Variants in PCDHGB2 observed in about 807,000 individuals in gnomAD.
PCDHGB2 encodes the protein protocadherin gamma subfamily B, 2, also known as protocadherin gamma-B2.
Under a neutral mutation model 59.3 loss-of-function variants are expected in PCDHGB2, and 55 were observed. The ratio of observed to expected loss-of-function variants is 0.93; its 90% CI spans 0.75 to 1.16. PCDHGB2 has a LOEUF of 1.16. Among genes scored for constraint, PCDHGB2 ranks in the 50% most tolerant of loss-of-function variants. PCDHGB2 has a pLI of 0.00. For missense variants in PCDHGB2, 1,228 were observed against 1,198.5 expected, an observed-to-expected ratio of 1.02 and a Z score of -0.36; for synonymous variants, 516 against 512.0, an observed-to-expected ratio of 1.01 and a Z score of -0.11.
At chr5:141,414,360 A>G (rs1177384414) in intron 1 of PCDHGB2, 1 of 1,613,800 alleles carries the variant, frequency 6.2e-7, no homozygotes, top group Non-Finnish European at 8.5e-7. Context: ...CGTATCTACC[A>G]TTTAAATTAG....
intron 1 of PCDHGB2, among the ~76,000 whole-genome samples, chr5:141,462,479 GGTT>G (rs1329069527): frequency 6.6e-6 from 1 of 151,838 alleles, no homozygotes; most frequent in Non-Finnish European, 1.5e-5. Flanking sequence ...TGCTTCTCGT[GGTT>G]GTTGTATCCT....
chr5:141,438,165 G>GA (rs1252266607), intron 1 of PCDHGB2, among the ~76,000 whole-genome samples: 2 of 152,076 alleles, frequency 1.3e-5, no homozygotes, highest in East Asian at 3.8e-4. Flanking sequence ...AAGCTAATTG[G>GA]AAAAAATATT....
chr5:141,365,777 G>C, intron 1 of PCDHGB2: 1 of 1,613,854 alleles, frequency 6.2e-7, no homozygotes, highest in Non-Finnish European at 8.5e-7. Flanking sequence ...CGACAGCGGC[G>C]ACAACGCTCG....
At chr5:141,384,074 T>G in intron 1 of PCDHGB2, 1 of 1,601,488 alleles carries the variant, frequency 6.2e-7, no homozygotes, top group Non-Finnish European at 8.5e-7. Flanking sequence ...AACCTACCTT[T>G]TAAATTAGAA....
At chr5:141,384,030 A>G (rs1246971074) in intron 1 of PCDHGB2, 2 of 1,613,466 alleles carry the variant, frequency 1.2e-6, no homozygotes, top group Non-Finnish European at 1.7e-6. Flanking sequence ...GAGATTCTGG[A>G]AAGAATGGTG....
chr5:141,423,672 T>A, intron 1 of PCDHGB2: 2 of 1,549,982 alleles, frequency 1.3e-6, no homozygotes, highest in Non-Finnish European at 1.7e-6. Context: ...TGAGATTTAT[T>A]TCTCTGCCTC....
At chr5:141,430,595 G>T (rs549786394) in intron 1 of PCDHGB2, 3 of 567,018 alleles carry the variant, frequency 5.3e-6, no homozygotes, top group African/African-American at 1.9e-5. Context: ...CCTTGCACGC[G>T]CCTGAAGCAC....
At chr5:141,457,318 C>T (rs990268003) in intron 1 of PCDHGB2, among the ~76,000 whole-genome samples, 3 of 152,238 alleles carry the variant, frequency 2.0e-5, no homozygotes, top group South Asian at 2.1e-4. Context: ...AAGAAACCTC[C>T]GGGTTACAGG....
intron 3 of PCDHGB2, among the ~76,000 whole-genome samples, chr5:141,506,444 C>CA (rs1219684339): frequency 0.017 from 1,570 of 94,842 alleles, 20 homozygotes; most frequent in African/African-American, 0.048. Flanking sequence ...CGCTCTGTCT[C>CA]AAAAAAAAAA....
In PCDHGB2 at chr5:141,360,307, G is replaced by A. The variant is rs13171859; in HGVS notation, c.172G>A (p.Val58Ile). ...CCTCGCCAAGGATCTGGGGCTCAGCGTCCGGGACTTGCCAGCCCGGAAGCT... is the reference window on the plus strand; with the variant it reads ...CCTCGCCAAGGATCTGGGGCTCAGCATCCGGGACTTGCCAGCCCGGAAGCT... ...GNLAKDLGLS[V>I]RDLPARKLRV... Residue 58 changes from valine (V) to isoleucine (I), a missense_variant, in exon 1 of 4, where the codon GTC becomes ATC. Val to Ile is a conservative substitution (Grantham distance 29, BLOSUM62 3). Coordinates refer to ENST00000522605, the MANE Select transcript of PCDHGB2 (RefSeq NM_018923.3). 0.11 allele frequency: 182,138 copies of A among 1,613,876 alleles called. 11,756 individuals are homozygous for A. Among genetic ancestry groups the A allele is most frequent in the Non-Finnish European group, 0.13 (152,680 of 1,179,858 alleles).
chr5:141,372,593 CA>C, intron 1 of PCDHGB2: 1 of 1,614,030 alleles, frequency 6.2e-7, no homozygotes, highest in South Asian at 1.1e-5. Flanking sequence ...GTGTCTGCTT[CA>C]AGACTGTACC....
chr5:141,439,904 C>T (rs1175032042), intron 1 of PCDHGB2: 2 of 152,364 alleles, frequency 1.3e-5, no homozygotes, highest in East Asian at 1.9e-4. Context: ...GCGACTACTG[C>T]CTCCTTTCCT....
intron 1 of PCDHGB2, chr5:141,365,342 C>T (rs1206317970): frequency 2.5e-6 from 4 of 1,613,932 alleles, no homozygotes. Flanking sequence ...GGTCACAGTA[C>T]AGGACGTGAA....
At chr5:141,374,365 G>T (rs1180030505) in intron 1 of PCDHGB2, 2 of 1,614,054 alleles carry the variant, frequency 1.2e-6, no homozygotes, top group South Asian at 1.1e-5. Flanking sequence ...ACCGCGAGGA[G>T]CTCTGTGCTC....
chr5:141,365,668 T>C, intron 1 of PCDHGB2: 1 of 1,613,456 alleles, frequency 6.2e-7, no homozygotes, highest in Non-Finnish European at 8.5e-7. Flanking sequence ...CAGACGTTAA[T>C]GACAACCCAC....
chr5:141,474,407 G>A (rs1431210575), intron 1 of PCDHGB2, among the ~76,000 whole-genome samples: 2 of 152,230 alleles, frequency 1.3e-5, no homozygotes, highest in East Asian at 1.9e-4. Flanking sequence ...GCTCCCCGGT[G>A]ATGCCTAGAC....
At chr5:141,374,527 A>T (rs1429830664) in intron 1 of PCDHGB2, 7 of 1,613,074 alleles carry the variant, frequency 4.3e-6, no homozygotes, top group Non-Finnish European at 5.9e-6. Flanking sequence ...ACGCAGCTCC[A>T]TCCTCTCGTT....
chr5:141,489,124 A>C lies in PCDHGB2; in HGVS notation c.2422-5683A>C. The C allele has an allele frequency of 3.6e-6, 2 of 556,652 alleles. No individual in the cohort carries two copies. Among genetic ancestry groups the C allele is most frequent in the South Asian group, 3.3e-5 (1 of 30,014 alleles). The allele number at this position is 556,652 out of a possible 1,614,324, so 34.5% of individuals were successfully genotyped here. On this transcript the variant is annotated intron_variant, in intron 1 of 3. Transcript: ENST00000522605. The surrounding 1 kb of genome is among the most constrained non-coding windows in gnomAD (Gnocchi z 4.5). ...GCTGCAAGCAGGCAAACCTCCGAGC[A>C]GTTTTTAAGAGGCTGGAAGGAGACA...
rs537985555 is a variant in PCDHGB2 at position 141,449,278 on chromosome 5, C to A, written c.2422-45529C>A. On this transcript the variant is annotated intron_variant, in intron 1 of 3. Coordinates refer to ENST00000522605, the MANE Select transcript of PCDHGB2 (RefSeq NM_018923.3). ...TGTACAAAGAACTGTATCTCCTTCA[C>A]CCGGATGCACCGGGTGAATTATATG... Among the ~76,000 whole-genome samples the A allele has an allele frequency of 4.6e-5, 7 of 152,166 alleles. No homozygotes were observed. In the South Asian group the frequency reaches 1.5e-3, roughly 32 times the overall value.
Sources: allele counts gnomAD v4.1 joint callset (sites outside exome capture counted in the v4.1 genomes callset), GRCh38; gene constraint gnomAD v4.1.1; non-coding constraint Gnocchi (gnomAD v3.1); transcripts MANE v1.5; gene names NCBI Gene and HGNC (gene_info 2026-07-23, HGNC 2026-07-21).